Variants in SYNPR observed in about 807,000 individuals in gnomAD.
SYNPR encodes synaptoporin.
In SYNPR, 23 loss-of-function variants were observed where a neutral mutation model predicts 32.9. The ratio of observed to expected loss-of-function variants is 0.70; its 90% CI spans 0.50 to 0.99. SYNPR has a LOEUF of 0.99. SYNPR is among the 50% of genes least tolerant of loss of function. The pLI is 0.00. For synonymous variants in SYNPR, 146 were observed against 135.9 expected (o/e 1.07, Z -0.52); for missense variants, 318 against 349.3 (o/e 0.91, Z 0.71).
At chr3:63,226,473 T>A (rs1250400423), upstream of SYNPR, among the ~76,000 whole-genome samples, 1 of 152,042 alleles carries the variant, frequency 6.6e-6, no homozygotes, top group African/African-American at 2.4e-5. Context: ...AACAGACCAA[T>A]GAATAAAGAA....
chr3:63,484,563 A>AG (rs1323664642), intron 3 of SYNPR, among the ~76,000 whole-genome samples: 5 of 152,168 alleles, frequency 3.3e-5, no homozygotes, highest in African/African-American at 1.2e-4. Flanking sequence ...GCAATGGAGA[A>AG]GGGTCAGAAT....
chr3:63,396,844 C>A (rs1327983980), intron 2 of SYNPR, among the ~76,000 whole-genome samples: 1 of 152,160 alleles, frequency 6.6e-6, no homozygotes, highest in Non-Finnish European at 1.5e-5. Flanking sequence ...GTGGCTCACG[C>A]CTGTAATCCC....
intron 2 of SYNPR, among the ~76,000 whole-genome samples, chr3:63,288,260 C>T (rs1485600111): frequency 6.6e-6 from 1 of 152,170 alleles, no homozygotes; most frequent in Admixed American, 6.6e-5. Context: ...TCGAAACATT[C>T]CCCTTTTGTC....
intron 3 of SYNPR, among the ~76,000 whole-genome samples, chr3:63,268,537 T>C (rs190279066): frequency 9.7e-4 from 148 of 152,232 alleles, no homozygotes; most frequent in African/African-American, 3.5e-3. Flanking sequence ...ATTCTTACAA[T>C]GAAGTAAGCT....
intron 2 of SYNPR, among the ~76,000 whole-genome samples, chr3:63,370,891 C>A (rs1039811250): frequency 3.3e-5 from 5 of 152,076 alleles, no homozygotes; most frequent in African/African-American, 1.2e-4. Context: ...CAGAAAATAT[C>A]CTCTAATCCC....
In SYNPR at chr3:63,305,543, T is replaced by G. The variant is rs556567822; in HGVS notation, c.84+26801T>G. Among the ~76,000 whole-genome samples the G allele has an allele frequency of 1.4e-4, 22 of 152,152 alleles. No individual in the cohort carries two copies. The East Asian group carries it at 3.3e-3, about 23-fold the overall frequency. ...TCTTTCCCTTACAAAAATTTTATGT[T>G]TTCTACCAGTTTTCAAACTACATTG... On this transcript the variant is annotated intron_variant, in intron 2 of 5. Transcript: ENST00000478300.
intron 3 of SYNPR, among the ~76,000 whole-genome samples, chr3:63,513,313 C>T (rs984914260): frequency 3.3e-5 from 5 of 152,020 alleles, no homozygotes; most frequent in African/African-American, 1.2e-4. Context: ...TCCTGAGTAG[C>T]TAGGATTACA....
intron 4 of SYNPR, among the ~76,000 whole-genome samples, chr3:63,589,053 G>C (rs1433142722): frequency 6.6e-6 from 1 of 152,072 alleles, no homozygotes; most frequent in Non-Finnish European, 1.5e-5. Context: ...TCCTAGGAAA[G>C]GAACAAGCAG....
At chr3:63,372,048 G>C (rs1050610709) in intron 2 of SYNPR, among the ~76,000 whole-genome samples, 1 of 152,036 alleles carries the variant, frequency 6.6e-6, no homozygotes, top group African/African-American at 2.4e-5. Flanking sequence ...GCCATCCCAT[G>C]CATGGCTGAG....
intron 2 of SYNPR, among the ~76,000 whole-genome samples, chr3:63,456,162 T>C (rs939516050): frequency 6.6e-6 from 1 of 152,080 alleles, no homozygotes; most frequent in Non-Finnish European, 1.5e-5. Flanking sequence ...CTTATCTCCA[T>C]GATTCAATTA....
intron 3 of SYNPR, among the ~76,000 whole-genome samples, chr3:63,484,481 A>G (rs1219265045): frequency 6.6e-6 from 1 of 152,172 alleles, no homozygotes; most frequent in East Asian, 1.9e-4. Flanking sequence ...GAACTTATAC[A>G]TGAATAAAAG....
intron 1 of SYNPR, among the ~76,000 whole-genome samples, chr3:63,251,468 T>C (rs984873728): frequency 1.3e-5 from 2 of 152,172 alleles, no homozygotes; most frequent in African/African-American, 4.8e-5. Flanking sequence ...AACTTGCTTC[T>C]TGTTTTTGCC....
At chr3:63,362,219 T>A (rs2087670921) in intron 2 of SYNPR, among the ~76,000 whole-genome samples, 2 of 152,240 alleles carry the variant, frequency 1.3e-5, no homozygotes, top group African/African-American at 2.4e-5. Flanking sequence ...TAGCATGTGA[T>A]GGACATACAA....
chr3:63,376,428 G>A (rs983803025), intron 2 of SYNPR, among the ~76,000 whole-genome samples: 1 of 152,004 alleles, frequency 6.6e-6, no homozygotes, highest in South Asian at 2.1e-4. Flanking sequence ...CTATAACATC[G>A]TATATGATAA....
intron 2 of SYNPR, among the ~76,000 whole-genome samples, chr3:63,283,913 G>T (rs2086655997): frequency 6.7e-6 from 1 of 149,688 alleles, no homozygotes; most frequent in African/African-American, 2.5e-5. Flanking sequence ...TGCCTTCCGG[G>T]TTCTCCTGCC....
At chr3:63,343,979 C>T (rs996505577) in intron 2 of SYNPR, among the ~76,000 whole-genome samples, 7 of 152,208 alleles carry the variant, frequency 4.6e-5, no homozygotes, top group Admixed American at 2.0e-4. Flanking sequence ...GCCAAACCCC[C>T]GAGTGAAGCC....
At chr3:63,243,375 G>T (rs6783471) in intron 1 of SYNPR, among the ~76,000 whole-genome samples, 128,151 of 152,038 alleles carry the variant, frequency 0.84, 54,638 homozygotes, top group African/African-American at 0.91. Context: ...ACAAAAGACA[G>T]AGTCAACAAT....
chr3:63,223,936 A>G (rs2086111091), upstream of SYNPR, among the ~76,000 whole-genome samples: 2 of 152,150 alleles, frequency 1.3e-5, no homozygotes, highest in Non-Finnish European at 2.9e-5. Context: ...CTTGTGGTAG[A>G]GGCTCCATGT....
chr3:63,527,824 A>G (rs779205936), intron 3 of SYNPR, among the ~76,000 whole-genome samples: 10 of 152,158 alleles, frequency 6.6e-5, no homozygotes, highest in Non-Finnish European at 1.3e-4. Flanking sequence ...TTATAACTTC[A>G]GTGTTCATTT....
Sources: allele counts gnomAD v4.1 joint callset (sites outside exome capture counted in the v4.1 genomes callset), GRCh38; gene constraint gnomAD v4.1.1; transcripts MANE v1.5; gene names NCBI Gene and HGNC (gene_info 2026-07-23, HGNC 2026-07-21).